Variants in ITCH observed in about 807,000 individuals in gnomAD.
ITCH encodes E3 ubiquitin-protein ligase Itchy homolog.
In ITCH, 28 loss-of-function variants were observed where a neutral mutation model predicts 126.8. The ratio of observed to expected loss-of-function variants is 0.22; its 90% CI spans 0.16 to 0.30. The LOEUF is 0.30. ITCH is among the 10% of genes least tolerant of loss of function. The pLI is 1.00. For missense variants in ITCH, 631 were observed against 1,032.4 expected, an observed-to-expected ratio of 0.61 and a Z score of 5.33; for synonymous variants, 342 against 340.0, an observed-to-expected ratio of 1.01 and a Z score of -0.06.
At chr20:34,363,912 G>A (rs556590413) in intron 1 of ITCH, among the ~76,000 whole-genome samples, 1 of 152,278 alleles carries the variant, frequency 6.6e-6, no homozygotes, top group Non-Finnish European at 1.5e-5. Flanking sequence ...TGGTGGTCCC[G>A]GCTCCGGCGC....
rs10598635 is a variant in ITCH, at chr20:34,510,443, A to ATTTTTTTTTTTTT, written c.*2664_*2676dup. 1 of 63,234 alleles carries ATTTTTTTTTTTTT rather than the reference A, an allele frequency of 1.6e-5. No individual in the cohort carries two copies. Among genetic ancestry groups the ATTTTTTTTTTTTT allele is most frequent in the Admixed American group, 2.4e-4 (1 of 4,106 alleles). The allele number at this position is 63,234 out of a possible 1,614,324, so 3.9% of individuals were successfully genotyped here. On this transcript the variant is annotated 3_prime_UTR_variant, in exon 25 of 25. Transcript: ENST00000374864. ...TTGTAAATGCTAATAAATCCTGTTA[A>ATTTTTTTTTTTTT]TTTTTTTTTTTTTTTTTTTTTTTTT...
intron 10 of ITCH, among the ~76,000 whole-genome samples, chr20:34,444,292 A>G (rs1184853525): frequency 2.6e-5 from 4 of 152,106 alleles, no homozygotes; most frequent in African/African-American, 7.2e-5. Context: ...ATTTAAAATG[A>G]TAGGAAGTGG....
At chr20:34,506,941 T>C (rs1990653691) in intron 24 of ITCH, among the ~76,000 whole-genome samples, 1 of 152,238 alleles carries the variant, frequency 6.6e-6, no homozygotes, top group South Asian at 2.1e-4. Flanking sequence ...ATAGTCTGGA[T>C]ATACTACATT....
At chr20:34,379,663 T>G (rs2037977767) in intron 2 of ITCH, among the ~76,000 whole-genome samples, 1 of 150,982 alleles carries the variant, frequency 6.6e-6, no homozygotes, top group African/African-American at 2.4e-5. Flanking sequence ...AGTGCGATCT[T>G]GACTCACTGC....
intron 20 of ITCH, 102 bp downstream of exon 20, chr20:34,481,308 C>G: frequency 1.6e-6 from 2 of 1,267,332 alleles, no homozygotes; most frequent in Non-Finnish European, 2.3e-6. Context: ...TAGTATTTGT[C>G]TCTGTACTAA....
chr20:34,504,162 T>G (rs973041254), intron 23 of ITCH, among the ~76,000 whole-genome samples, 169 bp from the exon 24 acceptor site: 10 of 152,156 alleles, frequency 6.6e-5, no homozygotes, highest in Non-Finnish European at 1.5e-5. Context: ...ATAACAGACA[T>G]GAGCCACCAC....
In ITCH at chr20:34,470,071, A is replaced by G. The variant is rs2146414092; in HGVS notation, c.1448A>G (p.Tyr483Cys). The change falls in exon 15 of 25, where the codon TAT becomes TGT. Residue 483 changes from tyrosine to cysteine, a missense_variant. By Grantham distance (194) the Tyr-to-Cys change is radical (BLOSUM62 -2). Transcript: ENST00000374864. ...SALDNGPQIAYVRDFKAKVQY... is the reference protein window; with the variant it reads ...SALDNGPQIACVRDFKAKVQY... ...AGAGACAATGGACCTCAGATAGCCT[A>G]TGTTCGGGACTTCAAAGCAAAGGTT... 3.1e-6 allele frequency: 5 copies of G among 1,613,928 alleles called. No individual in the cohort carries two copies. Among genetic ancestry groups the G allele is most frequent in the Non-Finnish European group, 4.2e-6 (5 of 1,179,842 alleles).
At chr20:34,467,761 C>T (rs924200707) in intron 14 of ITCH, among the ~76,000 whole-genome samples, 2 of 148,322 alleles carry the variant, frequency 1.3e-5, no homozygotes, top group Non-Finnish European at 3.0e-5. Context: ...TCTCGGCTCA[C>T]CGCAACCTCG....
chr20:34,501,312 CTG>C (rs1990230485), intron 23 of ITCH, among the ~76,000 whole-genome samples: 2 of 152,178 alleles, frequency 1.3e-5, no homozygotes, highest in South Asian at 4.1e-4. Flanking sequence ...ATAGCCTTAA[CTG>C]TAATATAAGG....
At chr20:34,466,445 C>T (rs764496526) in intron 14 of ITCH, 1 of 497,102 alleles carries the variant, frequency 2.0e-6, no homozygotes, top group East Asian at 5.7e-5. Flanking sequence ...TACTTCTACA[C>T]ATTAACAACT....
intron 2 of ITCH, among the ~76,000 whole-genome samples, chr20:34,372,670 G>A (rs983818028): frequency 7.2e-5 from 11 of 152,018 alleles, no homozygotes; most frequent in Admixed American, 5.3e-4. Context: ...ATGAGCCACC[G>A]TACCCGGCCT....
chr20:34,430,797 A>C (rs532734939), intron 7 of ITCH, among the ~76,000 whole-genome samples: 20 of 152,266 alleles, frequency 1.3e-4, no homozygotes, highest in African/African-American at 4.8e-4. Flanking sequence ...TGAACAGGAG[A>C]TTGTATGATC....
chr20:34,455,474 ATTTT>A (rs1199707564), intron 12 of ITCH, among the ~76,000 whole-genome samples: 2 of 139,080 alleles, frequency 1.4e-5, no homozygotes, highest in Admixed American at 7.3e-5. Context: ...TGATATCCAC[ATTTT>A]TTTTTTTTTT....
intron 20 of ITCH, 105 bp downstream of exon 20, chr20:34,481,311 T>C: frequency 3.2e-6 from 4 of 1,247,944 alleles, no homozygotes; most frequent in Middle Eastern, 2.4e-4. Flanking sequence ...TATTTGTCTC[T>C]GTACTAATCA....
intron 2 of ITCH, among the ~76,000 whole-genome samples, chr20:34,375,042 GA>G (rs1158494572): frequency 7.1e-6 from 1 of 140,124 alleles, no homozygotes; most frequent in Non-Finnish European, 1.6e-5. Flanking sequence ...CGCCTGGCGT[GA>G]TTTTTTTTTT....
At chr20:34,424,101 C>A (rs186976218) in intron 6 of ITCH, among the ~76,000 whole-genome samples, 3 of 152,060 alleles carry the variant, frequency 2.0e-5, no homozygotes, top group Non-Finnish European at 4.4e-5. Context: ...TTTCTGGAAT[C>A]GATTTTATTC....
At chr20:34,465,006 G>A (rs1756033324) in intron 14 of ITCH, among the ~76,000 whole-genome samples, 1 of 152,118 alleles carries the variant, frequency 6.6e-6, no homozygotes, top group African/African-American at 2.4e-5. Flanking sequence ...CACCGCGCCT[G>A]GCCTGAGAGT....
chr20:34,423,260 GTAA>G (rs776399778), intron 6 of ITCH, among the ~76,000 whole-genome samples: 8 of 152,112 alleles, frequency 5.3e-5, no homozygotes, highest in Admixed American at 3.3e-4. Context: ...TTACCAAATA[GTAA>G]TAATTCCATT....
In ITCH at chr20:34,492,409, A is replaced by C. The variant is rs371013899; in HGVS notation, c.2320-92A>C. On this transcript the variant is annotated intron_variant, in intron 22 of 24. Transcript: ENST00000374864. ...CTGGGACACCTCACCTCTAAAAAAA[A>C]TAAAAGATTTGAAATCATTATTTTT... 8.8e-6 allele frequency: 8 copies of C among 906,690 alleles called. No homozygotes were observed. The East Asian group carries it at 2.2e-4, about 25-fold the overall frequency. 56.2% of individuals were successfully genotyped at this position (906,690 alleles called of 1,614,324 possible). A position where few individuals can be genotyped will look rare whatever the true frequency, so the allele number is the denominator to read the frequency against.
Sources: allele counts gnomAD v4.1 joint callset (sites outside exome capture counted in the v4.1 genomes callset), GRCh38; gene constraint gnomAD v4.1.1; transcripts MANE v1.5; gene names NCBI Gene and HGNC (gene_info 2026-07-23, HGNC 2026-07-21).